SLC26A4: variants seen among roughly 807,000 people sequenced by gnomAD.
The protein encoded by SLC26A4 is pendrin.
SLC26A4 carries 93 observed loss-of-function variants against 90.4 expected under a neutral mutation model. The ratio of observed to expected loss-of-function variants is 1.03; its 90% CI spans 0.87 to 1.22. SLC26A4 has a LOEUF of 1.22. Ranked by LOEUF, SLC26A4 falls within the 50% of genes most tolerant of loss-of-function variation. SLC26A4 has a pLI of 0.00. For missense variants in SLC26A4, 1,127 were observed against 946.2 expected (o/e 1.19, Z -2.51); for synonymous variants, 393 against 354.6 (o/e 1.11, Z -1.22).
rs1790546263 is a variant in SLC26A4 at position 107,661,443 on chromosome 7, C to G, written c.-3-196C>G. The G allele has an allele frequency of 3.1e-6, 2 of 643,160 alleles. No homozygotes were observed. The highest frequency in any genetic ancestry group is 2.7e-6 in the Non-Finnish European group (1 of 364,732). 39.8% of individuals were successfully genotyped at this position (643,160 alleles called of 1,614,324 possible). On this transcript the variant is annotated intron_variant, in intron 1 of 20. Coordinates refer to ENST00000644269, the MANE Select transcript of SLC26A4 (RefSeq NM_000441.2). This position sits in a 1 kb window ranked among gnomAD's most constrained non-coding sequence, Gnocchi z 5.1. ...GAGACCCGAAGGTTCTCAGGTGCCC[C>G]CCTGCAGGCTGGCCGTGCGCGCCGT...
intron 10 of SLC26A4, chr7:107,691,742 A>C: frequency 1.9e-6 from 2 of 1,032,258 alleles, no homozygotes; most frequent in Non-Finnish European, 2.4e-6. Context: ...CTTTTCAACA[A>C]AAAATTTTAT....
At position 107,690,159 on chromosome 7, in the gene SLC26A4, A is replaced by C; in HGVS notation, c.1185A>C (p.Ser395=). ...FIAFGISNIF[S]GFFSCFVATT... ...CCTTTGGGATCAGCAACATCTTCTCAGGATTCTTCTCTTGTTTTGTGGCCA... is the reference window on the plus strand; with the variant it reads ...CCTTTGGGATCAGCAACATCTTCTCCGGATTCTTCTCTTGTTTTGTGGCCA... The change falls in exon 10 of 21, where the codon TCA becomes TCC. Residue 395 remains serine, a synonymous_variant. Transcript: ENST00000644269. 3 of 1,612,792 alleles carry C rather than the reference A, an allele frequency of 1.9e-6. No individual in the cohort carries two copies. The highest frequency in any genetic ancestry group is 2.5e-6 in the Non-Finnish European group (3 of 1,178,860).
chr7:107,683,517 T>A lies in SLC26A4; in HGVS notation c.981T>A (p.Ile327=). 1.9e-6 allele frequency: 3 copies of A among 1,613,814 alleles called. No individual in the cohort carries two copies. Among genetic ancestry groups the A allele is most frequent in the Non-Finnish European group, 2.5e-6 (3 of 1,179,774 alleles). ...ANLEKNYNAG[I]VKSIPRGFLP... ...TGGAAAAAAATTACAATGCTGGCAT[T>A]GTTAAATCCATCCCAAGGGGGTGAG... Residue 327 remains isoleucine, a synonymous_variant, in exon 8 of 21, where the codon ATT becomes ATA. Coordinates refer to ENST00000644269, the MANE Select transcript of SLC26A4 (RefSeq NM_000441.2).
chr7:107,672,554 T>C (rs959052588), intron 4 of SLC26A4, among the ~76,000 whole-genome samples: 1 of 152,012 alleles, frequency 6.6e-6, no homozygotes, highest in Non-Finnish European at 1.5e-5. Context: ...TAGCATGTTT[T>C]GCTTTTTAAA....
At chr7:107,676,001 C>A (rs1315471203) in intron 6 of SLC26A4, among the ~76,000 whole-genome samples, 2 of 152,196 alleles carry the variant, frequency 1.3e-5, no homozygotes, top group African/African-American at 4.8e-5. Flanking sequence ...AAAGGCTGCT[C>A]TGGAATGTAA....
At chr7:107,664,593 C>T (rs1790658893) in intron 3 of SLC26A4, among the ~76,000 whole-genome samples, 1 of 152,190 alleles carries the variant, frequency 6.6e-6, no homozygotes, top group African/African-American at 2.4e-5. Context: ...AAGGGAGCTT[C>T]CTAGCCTGGA....
intron 10 of SLC26A4, chr7:107,693,379 T>G: frequency 1.0e-6 from 1 of 985,392 alleles, no homozygotes; most frequent in Non-Finnish European, 1.2e-6. Flanking sequence ...AATGATCAAT[T>G]TGCCAGGTAG....
intron 12 of SLC26A4, among the ~76,000 whole-genome samples, chr7:107,695,073 C>T (rs533494155): frequency 6.6e-6 from 1 of 152,292 alleles, no homozygotes; most frequent in African/African-American, 2.4e-5. Flanking sequence ...TAAAAACCCA[C>T]GCTGACTTTA....
chr7:107,688,920 G>C, intron 8 of SLC26A4, 133 bp from the exon 9 acceptor site: 1 of 873,492 alleles, frequency 1.1e-6, no homozygotes, highest in Non-Finnish European at 1.9e-6. Context: ...TATGTATTTC[G>C]TGTGCTTTTT....
intron 3 of SLC26A4, among the ~76,000 whole-genome samples, chr7:107,670,264 A>T (rs550439666): frequency 6.6e-6 from 1 of 151,986 alleles, no homozygotes; most frequent in East Asian, 1.9e-4. Context: ...GCCTACCCCC[A>T]TGCCTGGCTA....
At chr7:107,704,654 A>T (rs565468469) in intron 18 of SLC26A4, among the ~76,000 whole-genome samples, 1 of 152,320 alleles carries the variant, frequency 6.6e-6, no homozygotes, top group African/African-American at 2.4e-5. Flanking sequence ...TAGTCCATTC[A>T]AAGTTACTTT....
chr7:107,697,189 C>T (rs1036020595), intron 13 of SLC26A4, among the ~76,000 whole-genome samples: 8 of 152,136 alleles, frequency 5.3e-5, no homozygotes, highest in East Asian at 1.9e-4. Context: ...TCTATTTTTT[C>T]TTGTGTGGAT....
At chr7:107,667,651 T>G (rs1790755617) in intron 3 of SLC26A4, among the ~76,000 whole-genome samples, 1 of 151,930 alleles carries the variant, frequency 6.6e-6, no homozygotes, top group African/African-American at 2.4e-5. Flanking sequence ...AGAACGTATT[T>G]GTGAACCGAT....
rs753682653 is a variant in SLC26A4, at chr7:107,704,388, A to C, written c.2089+3A>C. 3.3e-6 allele frequency: 4 copies of C among 1,219,294 alleles called. No homozygotes were observed. The East Asian group carries it at 9.3e-5, about 28-fold the overall frequency. The allele number at this position is 1,219,294 out of a possible 1,614,324, so 75.5% of individuals were successfully genotyped here. On this transcript the variant is annotated splice_donor_region_variant and intron_variant, in intron 18 of 20. Transcript: ENST00000644269. ...TGTGTATTTTGCATCACTTCAAGGT[A>C]AATACATATATCTACATATCTACCT...
Position 107,717,375 on chromosome 7 carries a change from A to C in SLC26A4, c.*1929A>C, listed in dbSNP as rs1328395197. The C allele has an allele frequency of 6.6e-6, 1 of 151,510 alleles. No individual in the cohort carries two copies. Among genetic ancestry groups the C allele is most frequent in the African/African-American group, 2.4e-5 (1 of 41,312 alleles). 9.4% of individuals were successfully genotyped at this position (151,510 alleles called of 1,614,324 possible). On this transcript the variant is annotated 3_prime_UTR_variant, in exon 21 of 21. Coordinates refer to ENST00000644269, the MANE Select transcript of SLC26A4 (RefSeq NM_000441.2). ...AGCAAGACTCCGTCTCAAAAAAAAA[A>C]AAAAAAAAAAAAAAAGAGTGAATGT...
At position 107,664,944 on chromosome 7, in the gene SLC26A4, C is replaced by A. The variant is rs1450539252; in HGVS notation, c.304+1509C>A. Among the ~76,000 whole-genome samples, 3 of 152,094 alleles carry A rather than the reference C, an allele frequency of 2.0e-5. No homozygotes were observed. In the East Asian group the frequency reaches 5.8e-4, roughly 29 times the overall value. ...GTTCCAGGCACTAGGTATGCTGACA[C>A]GAATAAGATGCATCCTCTGCTTCCA... On this transcript the variant is annotated intron_variant, in intron 3 of 20. Transcript: ENST00000644269.
chr7:107,688,803 A>C (rs952811239), intron 8 of SLC26A4, among the ~76,000 whole-genome samples: 1 of 152,224 alleles, frequency 6.6e-6, no homozygotes, highest in South Asian at 2.1e-4. Context: ...CATGTGAGAG[A>C]TAGAGAAGAG....
intron 3 of SLC26A4, among the ~76,000 whole-genome samples, chr7:107,669,400 A>G (rs1790805738): frequency 6.6e-6 from 1 of 152,220 alleles, no homozygotes; most frequent in South Asian, 2.1e-4. Flanking sequence ...TTTTCCAGGC[A>G]TATTAAGAAC....
At position 107,674,948 on chromosome 7, in the gene SLC26A4, A is replaced by C. The variant is rs747971702; in HGVS notation, c.604A>C (p.Ile202Leu). Residue 202 changes from isoleucine (I) to leucine (L), a missense_variant, in exon 6 of 21, where the codon ATA becomes CTA. Transcript: ENST00000644269. ...LTLLVGIIQL[I>L]FGGLQIGFIV... ...TCTTTCCTTTTCCTTATCGTAGTTG[A>C]TATTTGGTGGCTTGCAGATTGGATT... is the stretch of plus-strand genomic sequence containing the variant. 6.2e-7 allele frequency: 1 copy of C among 1,613,864 alleles called. No homozygotes were observed.
Sources: allele counts gnomAD v4.1 joint callset (sites outside exome capture counted in the v4.1 genomes callset), GRCh38; gene constraint gnomAD v4.1.1; non-coding constraint Gnocchi (gnomAD v3.1); transcripts MANE v1.5; gene names NCBI Gene and HGNC (gene_info 2026-07-23, HGNC 2026-07-21).